NID1: variants seen among roughly 807,000 people sequenced by gnomAD.
NID1 encodes nidogen-1.
In NID1, 76 loss-of-function variants were observed where a neutral mutation model predicts 130.6. The observed-to-expected ratio is 0.58, with a 90% CI of 0.48 to 0.70. The LOEUF (loss-of-function observed/expected upper bound fraction) is 0.70. NID1 is among the 30% of genes least tolerant of loss of function. NID1 has a pLI of 0.00. For synonymous variants in NID1, 665 were observed against 675.1 expected (o/e 0.98, Z 0.23); for missense variants, 1,517 against 1,664.8 (o/e 0.91, Z 1.54).
At chr1:236,003,855 G>A (rs1658158084) in intron 12 of NID1, among the ~76,000 whole-genome samples, 1 of 151,910 alleles carries the variant, frequency 6.6e-6, no homozygotes, top group Non-Finnish European at 1.5e-5. Flanking sequence ...GGGCAACAGA[G>A]TGAGATCCTG....
chr1:236,000,685 T>C (rs1426405276), intron 12 of NID1, among the ~76,000 whole-genome samples: 1 of 152,222 alleles, frequency 6.6e-6, no homozygotes, highest in Non-Finnish European at 1.5e-5. Context: ...TTGAGACCTG[T>C]CTCAGATACT....
chr1:235,984,035 C>T (rs1487242695), intron 15 of NID1, among the ~76,000 whole-genome samples: 1 of 151,050 alleles, frequency 6.6e-6, no homozygotes, highest in Non-Finnish European at 1.5e-5. Flanking sequence ...CTACAAAGAT[C>T]ACATTTTGGT....
In NID1 at chr1:235,979,740, C is replaced by G; in HGVS notation, c.3509+82G>C. The G allele has an allele frequency of 3.9e-6, 6 of 1,538,720 alleles. No homozygotes were observed. The Middle Eastern group carries it at 8.1e-4, about 209-fold the overall frequency. ...GAGGCTCAAAAGTCAAGCCAAGAGG[C>G]CAGATGGGAAGGGCCTGGCCTCCCA... is the stretch of plus-strand genomic sequence containing the variant. On this transcript the variant is annotated intron_variant, in intron 18 of 19. Transcript: ENST00000264187. This position sits in a 1 kb window ranked among gnomAD's most constrained non-coding sequence, Gnocchi z 4.6.
At chr1:236,005,557 G>A (rs150141109) in intron 12 of NID1, among the ~76,000 whole-genome samples, 2 of 152,082 alleles carry the variant, frequency 1.3e-5, no homozygotes, top group African/African-American at 4.8e-5. Context: ...AAACAATACT[G>A]GGCAAAAATT....
intron 5 of NID1, 128 bp from the exon 6 acceptor site, chr1:236,032,780 G>T: frequency 7.8e-7 from 1 of 1,276,564 alleles, no homozygotes; most frequent in Non-Finnish European, 1.1e-6. Context: ...GGGGTCAATG[G>T]CTTTGGGTAA....
chr1:236,048,389 C>T (rs1659672021), intron 2 of NID1, among the ~76,000 whole-genome samples: 1 of 152,022 alleles, frequency 6.6e-6, no homozygotes, highest in South Asian at 2.1e-4. Context: ...CACTATCTGC[C>T]ACCTGAGGTA....
At chr1:236,010,127 G>T (rs1658367319) in intron 12 of NID1, among the ~76,000 whole-genome samples, 1 of 152,130 alleles carries the variant, frequency 6.6e-6, no homozygotes, top group Non-Finnish European at 1.5e-5. Flanking sequence ...TAGCTGGAAT[G>T]TGTTGACTCA....
Position 236,029,703 on chromosome 1 carries a change from C to G in NID1, c.1585G>C (p.Gly529Arg). The G allele has an allele frequency of 6.2e-7, 1 of 1,614,126 alleles. No individual in the cohort carries two copies. The highest frequency in any genetic ancestry group is 1.7e-4 in the Middle Eastern group (1 of 6,060). Residue 529 changes from glycine to arginine, a missense_variant, in exon 7 of 20, where the codon GGC becomes CGC. Around this residue, in one of 3 missense-constraint regions of NID1, gnomAD observed 1,329 missense variants for 1,429.2 expected, o/e 0.93. Transcript: ENST00000264187. The stretch of plus-strand genomic sequence containing the variant: ...AACCGCTGCTTAATGACCAGATTGC[C>G]CGGGTGCCCCACGAAGGTCACCTCA... ...QAEVTFVGHP[G>R]NLVIKQRFSG...
At chr1:236,039,223 TATATG>T (rs1313614582) in intron 4 of NID1, among the ~76,000 whole-genome samples, 3 of 147,572 alleles carry the variant, frequency 2.0e-5, no homozygotes, top group African/African-American at 7.4e-5. Flanking sequence ...TACATATAAT[TATATG>T]ATATAATTTT....
intron 9 of NID1, among the ~76,000 whole-genome samples, chr1:236,017,542 C>T (rs745354758): frequency 1.3e-5 from 2 of 150,258 alleles, no homozygotes; most frequent in Non-Finnish European, 3.0e-5. Context: ...TGTGCCACCA[C>T]GCCTGGCCAA....
At chr1:236,040,034 T>C (rs1184098578) in intron 4 of NID1, among the ~76,000 whole-genome samples, 2 of 152,200 alleles carry the variant, frequency 1.3e-5, no homozygotes, top group African/African-American at 4.8e-5. Flanking sequence ...AAATCTAGGC[T>C]TTTTTCAGTC....
At chr1:236,044,921 G>A (rs1377298128) in intron 3 of NID1, among the ~76,000 whole-genome samples, 4 of 152,110 alleles carry the variant, frequency 2.6e-5, no homozygotes, top group African/African-American at 9.7e-5. Context: ...TCTTAAGGCC[G>A]GGCGCGGCAC....
intron 1 of NID1, among the ~76,000 whole-genome samples, chr1:236,060,985 A>G (rs1347396268): frequency 6.6e-6 from 1 of 152,214 alleles, no homozygotes; most frequent in East Asian, 1.9e-4. Flanking sequence ...TCCTTAACTT[A>G]AACATAAAAA....
intron 9 of NID1, among the ~76,000 whole-genome samples, chr1:236,020,004 T>C (rs1412145408): frequency 7.6e-6 from 1 of 131,906 alleles, no homozygotes; most frequent in Non-Finnish European, 1.5e-5. Context: ...GCCATTGTAC[T>C]CCTGCCTGGG....
rs368866610 is a variant in NID1 at position 235,990,924 on chromosome 1, T to C, written c.2890A>G (p.Met964Val). ...AACGCCTTTGCTTCTGTCTTCCTCA[T>C]GGTATTTCCCTCCAGGGGCAGGCGC... is the stretch of plus-strand genomic sequence containing the variant. ...IERLPLEGNTMRKTEAKAFLH... is the reference protein window; with the variant it reads ...IERLPLEGNTVRKTEAKAFLH... The change falls in exon 14 of 20, where the codon ATG (methionine) becomes GTG (valine). Residue 964 changes from methionine (M) to valine (V), a missense_variant. Coordinates refer to ENST00000264187, the MANE Select transcript of NID1 (RefSeq NM_002508.3). 9.9e-6 allele frequency: 16 copies of C among 1,613,972 alleles called. No homozygotes were observed. The highest frequency in any genetic ancestry group is 4.0e-5 in the African/African-American group (3 of 74,896).
At position 236,011,940 on chromosome 1, in the gene NID1, G is replaced by A; in HGVS notation, c.2508C>T (p.Gly836=). 1 of 1,614,128 alleles carries A rather than the reference G, an allele frequency of 6.2e-7. No homozygotes were observed. The highest frequency in any genetic ancestry group is 8.5e-7 in the Non-Finnish European group (1 of 1,180,034). Residue 836 remains glycine, a synonymous_variant, in exon 12 of 20, where the codon GGC becomes GGT. Transcript: ENST00000264187. The stretch of plus-strand genomic sequence containing the variant: ...CCTTACCTCCGGGCACGCAACGGAA[G>A]CCGTCTCCCTGATAACCAGGTTTGC... ...CQCKPGYQGD[G]FRCVPGEVEK...
At chr1:236,013,701 C>T (rs1298040154) in intron 10 of NID1, 141 bp from the exon 11 acceptor site, 1 of 904,562 alleles carries the variant, frequency 1.1e-6, no homozygotes, top group Admixed American at 2.4e-5. Flanking sequence ...GCACCCCACT[C>T]CTCACTGGGC....
chr1:236,047,911 A>C (rs1659652029), intron 2 of NID1, among the ~76,000 whole-genome samples: 1 of 151,230 alleles, frequency 6.6e-6, no homozygotes, highest in Non-Finnish European at 1.5e-5. Flanking sequence ...CTGTAATCCC[A>C]GCTACTCGGG....
At chr1:236,042,938 T>C (rs1024912095) in intron 3 of NID1, among the ~76,000 whole-genome samples, 14 of 152,324 alleles carry the variant, frequency 9.2e-5, no homozygotes, top group South Asian at 8.3e-4. Context: ...GGAGATGGGC[T>C]GGAGATTGAG....
Sources: allele counts gnomAD v4.1 joint callset (sites outside exome capture counted in the v4.1 genomes callset), GRCh38; gene constraint gnomAD v4.1.1; regional missense constraint gnomAD v4.1.1; non-coding constraint Gnocchi (gnomAD v3.1); transcripts MANE v1.5; gene names NCBI Gene and HGNC (gene_info 2026-07-23, HGNC 2026-07-21).